Variants in PI15 observed in about 807,000 individuals in gnomAD.
PI15 encodes the protein 25 kDa trypsin inhibitor.
In PI15, 18 loss-of-function variants were observed where a neutral mutation model predicts 31.0. The ratio of observed to expected loss-of-function variants is 0.58; its 90% confidence interval spans 0.40 to 0.86. PI15 has a LOEUF of 0.86. Ranked by LOEUF, PI15 falls within the 40% of genes least tolerant of loss-of-function variation. PI15 has a pLI of 0.00. For synonymous variants in PI15, 118 were observed against 119.1 expected, an observed-to-expected ratio of 0.99 and a Z score of 0.06; for missense variants, 282 against 328.1, an observed-to-expected ratio of 0.86 and a Z score of 1.09.
chr8:74,833,521 C>T (rs951553769), intron 2 of PI15, among the ~76,000 whole-genome samples: 7 of 151,834 alleles, frequency 4.6e-5, no homozygotes, highest in East Asian at 3.9e-4. Context: ...CTTAAACTTC[C>T]GGCTGCCAGA....
intron 2 of PI15, among the ~76,000 whole-genome samples, chr8:74,843,644 G>T (rs1176713881): frequency 6.6e-6 from 1 of 152,184 alleles, no homozygotes; most frequent in East Asian, 1.9e-4. Context: ...CGGGTGAATC[G>T]CTTGAGGCTC....
intron 4 of PI15, 60 bp from the exon 5 acceptor site, chr8:74,845,322 G>T (rs1811010130): frequency 6.3e-7 from 1 of 1,576,982 alleles, no homozygotes; most frequent in Non-Finnish European, 8.7e-7. Flanking sequence ...ATACTATTTT[G>T]GTGGACATGC....
intron 2 of PI15, among the ~76,000 whole-genome samples, chr8:74,833,967 T>A (rs1346125448): frequency 6.6e-6 from 1 of 152,122 alleles, no homozygotes; most frequent in African/African-American, 2.4e-5. Flanking sequence ...AGTAGCAGGA[T>A]TAGATTTTCA....
At chr8:74,827,097 T>C (rs1272583949) in intron 2 of PI15, among the ~76,000 whole-genome samples, 1 of 152,130 alleles carries the variant, frequency 6.6e-6, no homozygotes, top group African/African-American at 2.4e-5. Context: ...AGAGAATTTG[T>C]AGCAATCACA....
At chr8:74,827,489 T>C (rs1810716255) in intron 2 of PI15, among the ~76,000 whole-genome samples, 1 of 152,152 alleles carries the variant, frequency 6.6e-6, no homozygotes, top group Non-Finnish European at 1.5e-5. Flanking sequence ...ACGATCTCAT[T>C]TGATAGCTCA....
chr8:74,830,921 C>T (rs1810773149), intron 2 of PI15, among the ~76,000 whole-genome samples: 1 of 152,128 alleles, frequency 6.6e-6, no homozygotes, highest in African/African-American at 2.4e-5. Flanking sequence ...GCGTTTTCTC[C>T]AGCACATTCA....
chr8:74,849,355 T>C lies in PI15; in HGVS notation c.*102T>C. 1.2e-6 allele frequency: 1 copy of C among 854,600 alleles called. No homozygotes were observed. The highest frequency in any genetic ancestry group is 1.8e-6 in the Non-Finnish European group (1 of 565,300). 52.9% of individuals were successfully genotyped at this position (854,600 alleles called of 1,614,324 possible). On this transcript the variant is annotated 3_prime_UTR_variant, in exon 6 of 6. Coordinates refer to ENST00000260113, the MANE Select transcript of PI15 (RefSeq NM_015886.5). ...TGCACATATTATACATATTTTGTGC[T>C]AATCTTGTTTTCCTCTTAGTATTCC... is the stretch of plus-strand genomic sequence containing the variant.
chr8:74,853,770 T>G lies in PI15; in HGVS notation c.*4517T>G, dbSNP rs1403122996. The stretch of plus-strand genomic sequence containing the variant: ...CTAAGAGGAAAAAAGAGTTAATATA[T>G]TCTGGCACCCACTTTCCTAGTAATG... On this transcript the variant is annotated 3_prime_UTR_variant, in exon 6 of 6. Coordinates refer to ENST00000260113, the MANE Select transcript of PI15 (RefSeq NM_015886.5). 1 of 152,294 alleles carries G rather than the reference T, an allele frequency of 6.6e-6. No homozygotes were observed. Among genetic ancestry groups the G allele is most frequent in the Non-Finnish European group, 1.5e-5 (1 of 67,932 alleles). The allele number at this position is 152,294 out of a possible 1,614,324, so 9.4% of individuals were successfully genotyped here. A position where few individuals can be genotyped will look rare whatever the true frequency, so the allele number is the denominator to read the frequency against.
chr8:74,833,093 G>A (rs1350395474), intron 2 of PI15, among the ~76,000 whole-genome samples: 1 of 152,084 alleles, frequency 6.6e-6, no homozygotes, highest in Admixed American at 6.6e-5. Flanking sequence ...CAAGATATGA[G>A]GTTTGCAGGA....
chr8:74,825,236 C>T lies in PI15; in HGVS notation c.-14C>T. 1 of 1,611,100 alleles carries T rather than the reference C, an allele frequency of 6.2e-7. No homozygotes were observed. On this transcript the variant is annotated 5_prime_UTR_variant, in exon 2 of 6. Coordinates refer to ENST00000260113, the MANE Select transcript of PI15 (RefSeq NM_015886.5). Reference sequence around the variant, plus strand: ...AAAGTAAACTCGGTGGCCTCTTCTTCTCCACCCCTCAAAATGATAGCAATC... The same window carrying T: ...AAAGTAAACTCGGTGGCCTCTTCTTTTCCACCCCTCAAAATGATAGCAATC...
At chr8:74,833,735 G>T (rs559142242) in intron 2 of PI15, among the ~76,000 whole-genome samples, 37 of 152,274 alleles carry the variant, frequency 2.4e-4, no homozygotes, top group African/African-American at 8.7e-4. Flanking sequence ...TGGAGATAGA[G>T]AATCTTAAGT....
intron 2 of PI15, among the ~76,000 whole-genome samples, chr8:74,840,231 T>G (rs1049364930): frequency 1.4e-4 from 22 of 152,202 alleles, no homozygotes; most frequent in Non-Finnish European, 2.2e-4. Context: ...TTCTTTATGC[T>G]AGAAACATTT....
At chr8:74,845,007 G>A (rs1811003704) in intron 3 of PI15, 121 bp from the exon 4 acceptor site, 1 of 806,568 alleles carries the variant, frequency 1.2e-6, no homozygotes, top group Admixed American at 2.1e-5. Flanking sequence ...TGTGAGGGGT[G>A]GATGTGCTCT....
At chr8:74,844,997 TG>T in intron 3 of PI15, 130 bp from the exon 4 acceptor site, 1 of 746,078 alleles carries the variant, frequency 1.3e-6, no homozygotes, top group Non-Finnish European at 2.3e-6. Flanking sequence ...TGATGGTGAT[TG>T]TGAGGGGTGG....
chr8:74,840,126 AT>A lies in PI15; in HGVS notation c.274-3851del, dbSNP rs1056105738. 1.4e-4 allele frequency among the ~76,000 whole-genome samples: 22 copies of A among 152,236 alleles called. No individual in the cohort carries two copies. In the South Asian group the frequency reaches 2.7e-3, roughly 19 times the overall value. On this transcript the variant is annotated intron_variant, in intron 2 of 5. Transcript: ENST00000260113. ...TTTTTTATTGATACATAATAGAAAT[AT>A]TTTAGGATACATGTGATAATTTAAT... is the stretch of plus-strand genomic sequence containing the variant.
Position 74,854,123 on chromosome 8 carries a change from T to G in PI15, c.*4870T>G, listed in dbSNP as rs1194164769. The G allele has an allele frequency of 1.3e-5, 2 of 152,060 alleles. No homozygotes were observed. Among genetic ancestry groups the G allele is most frequent in the African/African-American group, 2.4e-5 (1 of 41,452 alleles). 9.4% of individuals were successfully genotyped at this position (152,060 alleles called of 1,614,324 possible). On this transcript the variant is annotated 3_prime_UTR_variant, in exon 6 of 6. Transcript: ENST00000260113. ...TGTATTATTCCATTCAAAGTCTTTC[T>G]AGATTTAAAAATGTATGCAAAAGCT...
chr8:74,844,684 A>G (rs766876903), intron 3 of PI15, among the ~76,000 whole-genome samples: 1 of 152,082 alleles, frequency 6.6e-6, no homozygotes, highest in Non-Finnish European at 1.5e-5. Flanking sequence ...TCCCCCAAAT[A>G]GGGAAGGAAA....
chr8:74,837,381 C>A (rs1810887165), intron 2 of PI15, among the ~76,000 whole-genome samples: 2 of 152,114 alleles, frequency 1.3e-5, no homozygotes, highest in Admixed American at 1.3e-4. Flanking sequence ...CCTTCCCTGG[C>A]CTAACAAGGC....
At chr8:74,836,530 G>A (rs1810874692) in intron 2 of PI15, among the ~76,000 whole-genome samples, 1 of 152,070 alleles carries the variant, frequency 6.6e-6, no homozygotes, top group African/African-American at 2.4e-5. Flanking sequence ...GTTTACCTGG[G>A]CAGTGAATAT....
Sources: allele counts gnomAD v4.1 joint callset (sites outside exome capture counted in the v4.1 genomes callset), GRCh38; gene constraint gnomAD v4.1.1; transcripts MANE v1.5; gene names NCBI Gene and HGNC (gene_info 2026-07-23, HGNC 2026-07-21).